MYO3B: variants seen among roughly 807,000 people sequenced by gnomAD.
The protein encoded by MYO3B is myosin IIIB.
A neutral mutation model predicts 174.6 loss-of-function variants in MYO3B; 156 were observed. That is an observed-to-expected ratio of 0.89 (90% CI 0.78 to 1.02). The LOEUF (loss-of-function observed/expected upper bound fraction) is 1.02, where lower values mean the gene tolerates loss of function less well. Among genes scored for constraint, MYO3B ranks in the 50% least tolerant of loss-of-function variants. MYO3B has a pLI of 0.00. For synonymous variants in MYO3B, 563 were observed against 569.1 expected (o/e 0.99, Z 0.15); for missense variants, 1,632 against 1,639.4 (o/e 1.00, Z 0.08).
chr2:170,501,579 C>T (rs191436842), intron 27 of MYO3B, among the ~76,000 whole-genome samples: 52 of 152,300 alleles, frequency 3.4e-4, no homozygotes, highest in Admixed American at 1.2e-3. Context: ...AAAGCAACCC[C>T]TCAGAAGCAT....
intron 1 of MYO3B, among the ~76,000 whole-genome samples, chr2:170,188,289 T>C (rs78928504): frequency 1.3e-3 from 197 of 152,278 alleles, no homozygotes; most frequent in African/African-American, 4.5e-3. Flanking sequence ...TTTTTTGGCT[T>C]CCATTTGCAT....
At chr2:170,630,498 A>C (rs1696859974) in intron 32 of MYO3B, among the ~76,000 whole-genome samples, 1 of 152,166 alleles carries the variant, frequency 6.6e-6, no homozygotes, top group South Asian at 2.1e-4. Context: ...AGGCACAGAA[A>C]TTTCTGCAGA....
chr2:170,215,985 A>G (rs748012524), intron 5 of MYO3B, among the ~76,000 whole-genome samples: 2 of 152,214 alleles, frequency 1.3e-5, no homozygotes, highest in Non-Finnish European at 2.9e-5. Flanking sequence ...GTGGCTGCAA[A>G]AGGAATGTCT....
intron 16 of MYO3B, among the ~76,000 whole-genome samples, chr2:170,396,025 T>G (rs1440563646): frequency 6.6e-6 from 1 of 152,240 alleles, no homozygotes; most frequent in African/African-American, 2.4e-5. Context: ...GAAATGCTCT[T>G]TCTTCCCCAC....
intron 22 of MYO3B, among the ~76,000 whole-genome samples, chr2:170,412,816 T>C (rs72876347): frequency 0.16 from 24,140 of 152,210 alleles, 2,177 homozygotes; most frequent in East Asian, 0.34. Context: ...GCCACAGACA[T>C]GGATAGTGCT....
intron 25 of MYO3B, among the ~76,000 whole-genome samples, chr2:170,470,992 T>C (rs536652830): frequency 3.9e-4 from 59 of 150,510 alleles, no homozygotes; most frequent in Admixed American, 1.0e-3. Flanking sequence ...CTCTCTCTCT[T>C]TTTTTTTTAA....
At chr2:170,479,526 A>T (rs1474941304) in intron 25 of MYO3B, among the ~76,000 whole-genome samples, 5 of 146,240 alleles carry the variant, frequency 3.4e-5, no homozygotes, top group African/African-American at 4.9e-5. Context: ...CATCTATATA[A>T]TAGAGGTGTA....
intron 9 of MYO3B, 132 bp from the exon 10 acceptor site, chr2:170,381,869 TGGGGACCTGGACTGG>T: frequency 1.7e-6 from 1 of 593,912 alleles, no homozygotes. Context: ...AGGAAAAGCC[TGGGGACCTGGACTGG>T]ACTTCCTGTC....
intron 32 of MYO3B, among the ~76,000 whole-genome samples, chr2:170,592,897 T>C (rs1207657651): frequency 2.0e-5 from 3 of 152,124 alleles, no homozygotes; most frequent in Non-Finnish European, 4.4e-5. Flanking sequence ...TATATCTATA[T>C]CTGTTTTATG....
chr2:170,356,432 G>A (rs190609203), intron 8 of MYO3B, among the ~76,000 whole-genome samples: 104 of 151,834 alleles, frequency 6.8e-4, no homozygotes, highest in African/African-American at 2.4e-3. Context: ...GCATGATCTC[G>A]GCTCCCTGTA....
intron 23 of MYO3B, among the ~76,000 whole-genome samples, chr2:170,451,146 C>CT (rs1295124802): frequency 6.6e-6 from 1 of 152,254 alleles, no homozygotes; most frequent in African/African-American, 2.4e-5. Flanking sequence ...TACTTTCCTT[C>CT]TATACCTTGC....
At chr2:170,239,360 C>T (rs1448467138) in intron 7 of MYO3B, among the ~76,000 whole-genome samples, 2 of 152,182 alleles carry the variant, frequency 1.3e-5, no homozygotes, top group Non-Finnish European at 2.9e-5. Flanking sequence ...GGTATCTTTC[C>T]TTAGCTTTGA....
At chr2:170,484,043 G>A (rs1285153334) in intron 25 of MYO3B, among the ~76,000 whole-genome samples, 1 of 152,192 alleles carries the variant, frequency 6.6e-6, no homozygotes, top group Non-Finnish European at 1.5e-5. Context: ...ATGACTTACA[G>A]AAAAGATTGC....
At chr2:170,396,823 GAA>G (rs2094444491) in intron 16 of MYO3B, among the ~76,000 whole-genome samples, 1 of 152,100 alleles carries the variant, frequency 6.6e-6, no homozygotes, top group South Asian at 2.1e-4. Flanking sequence ...AATACATGAA[GAA>G]AGAGAGAGAG....
chr2:170,293,754 A>G (rs2093611011), intron 7 of MYO3B, among the ~76,000 whole-genome samples: 1 of 151,974 alleles, frequency 6.6e-6, no homozygotes, highest in Non-Finnish European at 1.5e-5. Flanking sequence ...TTGAAAGGAA[A>G]TTTCCCTTTC....
At chr2:170,207,431 C>G (rs1020667505) in intron 3 of MYO3B, among the ~76,000 whole-genome samples, 9 of 152,098 alleles carry the variant, frequency 5.9e-5, no homozygotes, top group African/African-American at 2.2e-4. Context: ...GCTCAAAAGT[C>G]TTGAGGCCTT....
chr2:170,309,570 T>C (rs2093724143), intron 7 of MYO3B, among the ~76,000 whole-genome samples: 1 of 152,186 alleles, frequency 6.6e-6, no homozygotes, highest in South Asian at 2.1e-4. Flanking sequence ...ATGAGGGTGA[T>C]TATTTGATGA....
At position 170,199,202 on chromosome 2, in the gene MYO3B, A is replaced by G. The variant is rs2092633915; in HGVS notation, c.3-6A>G. 2.5e-6 allele frequency: 4 copies of G among 1,583,704 alleles called. No homozygotes were observed. Among genetic ancestry groups the G allele is most frequent in the South Asian group, 2.4e-5 (2 of 85,084 alleles). ...GTTGCACATAACAAATTTTTCCCCC[A>G]ACCAGGAAACATCTGTATGGATTAT... On this transcript the variant is annotated splice_polypyrimidine_tract_variant and splice_region_variant and intron_variant, in intron 1 of 34. Transcript: ENST00000408978.
intron 28 of MYO3B, among the ~76,000 whole-genome samples, chr2:170,507,073 A>G (rs551633838): frequency 1.3e-5 from 2 of 152,360 alleles, no homozygotes; most frequent in Admixed American, 1.3e-4. Flanking sequence ...CAGGTGTGAG[A>G]GAAGACAAGA....
Sources: allele counts gnomAD v4.1 joint callset (sites outside exome capture counted in the v4.1 genomes callset), GRCh38; gene constraint gnomAD v4.1.1; transcripts MANE v1.5; gene names NCBI Gene and HGNC (gene_info 2026-07-23, HGNC 2026-07-21).